The following TM9SF4 variants were observed in gnomAD, a reference collection of about 807,000 sequenced individuals.
TM9SF4 encodes the protein transmembrane 9 superfamily member 4.
In TM9SF4, 26 loss-of-function variants were observed where a neutral mutation model predicts 90.4. The observed-to-expected ratio is 0.29, with a 90% CI of 0.21 to 0.40. The LOEUF (loss-of-function observed/expected upper bound fraction) is 0.40. Ranked by LOEUF, TM9SF4 falls within the 10% of genes least tolerant of loss-of-function variation. The pLI, the probability that TM9SF4 is intolerant of heterozygous loss-of-function variation, is 1.00. For synonymous variants in TM9SF4, 293 were observed against 315.4 expected, an observed-to-expected ratio of 0.93 and a Z score of 0.75; for missense variants, 549 against 834.8, an observed-to-expected ratio of 0.66 and a Z score of 4.22.
At chr20:32,147,785 G>A (rs757250589) in intron 9 of TM9SF4, among the ~76,000 whole-genome samples, 11 of 151,810 alleles carry the variant, frequency 7.2e-5, no homozygotes, top group African/African-American at 1.5e-4. Context: ...CCCAGAAGGC[G>A]GAGGTTGTAG....
At chr20:32,110,070 T>C in intron 1 of TM9SF4, 1 of 1,283,800 alleles carries the variant, frequency 7.8e-7, no homozygotes, top group South Asian at 1.8e-5. Flanking sequence ...CTCACCTCCC[T>C]GTCCTGACCC....
At chr20:32,120,252 A>G (rs1159646787) in intron 1 of TM9SF4, among the ~76,000 whole-genome samples, 1 of 152,154 alleles carries the variant, frequency 6.6e-6, no homozygotes, top group African/African-American at 2.4e-5. Context: ...TCCTGACAAT[A>G]TTGAGTCTTC....
intron 6 of TM9SF4, 87 bp from the exon 7 acceptor site, chr20:32,145,004 A>T (rs931735365): frequency 1.6e-6 from 2 of 1,263,326 alleles, no homozygotes; most frequent in African/African-American, 2.9e-5. Flanking sequence ...TCTCCGCGAC[A>T]GGCAGCCTTG....
chr20:32,159,574 A>G (rs1371233333), intron 15 of TM9SF4: 1 of 168,798 alleles, frequency 5.9e-6, no homozygotes, highest in African/African-American at 2.4e-5. Flanking sequence ...ACTCTGGGCC[A>G]GTCACCAGCG....
At chr20:32,133,353 C>T (rs1020255677) in intron 2 of TM9SF4, among the ~76,000 whole-genome samples, 4 of 152,084 alleles carry the variant, frequency 2.6e-5, no homozygotes, top group South Asian at 2.1e-4. Flanking sequence ...ATTTGCATCT[C>T]GGTCTCTTTC....
At chr20:32,155,714 G>A (rs1372629148) in intron 13 of TM9SF4, among the ~76,000 whole-genome samples, 1 of 152,198 alleles carries the variant, frequency 6.6e-6, no homozygotes, top group African/African-American at 2.4e-5. Flanking sequence ...TGTGGGGAGG[G>A]GGAGTGGGGT....
At chr20:32,149,360 A>C (rs1484649230) in intron 9 of TM9SF4, among the ~76,000 whole-genome samples, 1 of 152,246 alleles carries the variant, frequency 6.6e-6, no homozygotes, top group African/African-American at 2.4e-5. Context: ...CTTACAGTTG[A>C]CATTTTAGTG....
intron 12 of TM9SF4, among the ~76,000 whole-genome samples, chr20:32,154,217 C>T (rs958764675): frequency 6.6e-6 from 1 of 151,102 alleles, no homozygotes; most frequent in African/African-American, 2.4e-5. Context: ...TGGCATGACT[C>T]GGCTCACTGC....
chr20:32,111,776 G>A (rs2046145602), intron 1 of TM9SF4, among the ~76,000 whole-genome samples: 1 of 152,176 alleles, frequency 6.6e-6, no homozygotes, highest in African/African-American at 2.4e-5. Flanking sequence ...AAAGGAAATG[G>A]CAAGTGTAAG....
At chr20:32,155,842 C>T (rs61064179) in intron 13 of TM9SF4, among the ~76,000 whole-genome samples, 1,885 of 152,308 alleles carry the variant, frequency 0.012, 44 homozygotes, top group African/African-American at 0.043. Context: ...TTGCATGAGG[C>T]TTCACGTCCA....
chr20:32,136,012 A>G, intron 2 of TM9SF4, 62 bp from the exon 3 acceptor site: 1 of 1,451,414 alleles, frequency 6.9e-7, no homozygotes, highest in Non-Finnish European at 9.7e-7. Context: ...CAAGTGTACT[A>G]AAGATGTGTG....
At chr20:32,158,998 T>C (rs1411985810) in intron 15 of TM9SF4, 4 of 153,158 alleles carry the variant, frequency 2.6e-5, no homozygotes, top group Non-Finnish European at 5.8e-5. Flanking sequence ...AAAAAAAAAA[T>C]TTAAATGAGA....
At chr20:32,132,002 A>G (rs917273786) in intron 1 of TM9SF4, among the ~76,000 whole-genome samples, 3 of 152,352 alleles carry the variant, frequency 2.0e-5, no homozygotes, top group Admixed American at 2.0e-4. Flanking sequence ...GGAGAAATAG[A>G]TAAGGGACTA....
chr20:32,153,876 T>C (rs981936454), intron 12 of TM9SF4, among the ~76,000 whole-genome samples: 2 of 152,240 alleles, frequency 1.3e-5, no homozygotes, highest in African/African-American at 2.4e-5. Flanking sequence ...GCATGGGCTC[T>C]GGGGTCAGAC....
At chr20:32,163,655 AGGCT>A (rs1275492458) in intron 17 of TM9SF4, among the ~76,000 whole-genome samples, 1 of 128,968 alleles carries the variant, frequency 7.8e-6, no homozygotes, top group Non-Finnish European at 1.5e-5. Flanking sequence ...TCTGTTGCCC[AGGCT>A]GGAGTGCAGT....
At chr20:32,115,807 C>CTTTTTTTTTTTTTTTTTTTTT (rs386393622) in intron 1 of TM9SF4, among the ~76,000 whole-genome samples, 1 of 95,166 alleles carries the variant, frequency 1.1e-5, no homozygotes, top group Admixed American at 1.3e-4. Flanking sequence ...CCACTTTAAG[C>CTTTTTTTTTTTTTTTTTTTTT]TTTTTTTTTT....
In TM9SF4 at chr20:32,110,065, C is replaced by G. The variant is rs138996546; in HGVS notation, c.15+310C>G. On this transcript the variant is annotated intron_variant, in intron 1 of 17. Coordinates refer to ENST00000398022, the MANE Select transcript of TM9SF4 (RefSeq NM_014742.4). ...GTGAGCCCCATTTTCCATTTCTCAC[C>G]TCCCTGTCCTGACCCCTCTGAAGAC... The G allele has an allele frequency of 2.3e-6, 3 of 1,319,230 alleles. No homozygotes were observed. The African/African-American group carries it at 4.5e-5, about 20-fold the overall frequency. 81.7% of individuals were successfully genotyped at this position (1,319,230 alleles called of 1,614,324 possible).
chr20:32,154,924 G>A (rs551131911), intron 12 of TM9SF4, among the ~76,000 whole-genome samples, 179 bp from the exon 13 acceptor site: 1 of 152,326 alleles, frequency 6.6e-6, no homozygotes, highest in East Asian at 1.9e-4. Flanking sequence ...GGACCTGAGA[G>A]GGCATAGAAC....
intron 17 of TM9SF4, among the ~76,000 whole-genome samples, chr20:32,162,747 C>A (rs2047035484): frequency 6.6e-6 from 1 of 152,108 alleles, no homozygotes. Flanking sequence ...ATCTTTAGAC[C>A]TTAGTCTTAA....
Sources: gnomAD v4.1 joint callset for allele counts (sites outside exome capture counted in the v4.1 genomes callset) on GRCh38, gnomAD v4.1.1 for gene constraint, MANE v1.5 for transcripts, NCBI Gene and HGNC (gene_info 2026-07-23, HGNC 2026-07-21) for gene names.